Variants in ERBB4 observed in about 807,000 individuals in gnomAD.
ERBB4 encodes receptor tyrosine-protein kinase erbB-4.
Under a neutral mutation model 158.0 loss-of-function variants are expected in ERBB4, and 42 were observed. The ratio of observed to expected loss-of-function variants is 0.27; its 90% CI spans 0.21 to 0.34. The LOEUF (loss-of-function observed/expected upper bound fraction) is 0.34. Ranked by LOEUF, ERBB4 falls within the 10% of genes least tolerant of loss-of-function variation. The probability of loss-of-function intolerance (pLI) is 1.00; values close to 1 mark genes in which losing one functional copy is unlikely to be tolerated. For synonymous variants in ERBB4, 583 were observed against 558.7 expected (o/e 1.04, Z -0.61); for missense variants, 1,333 against 1,624.1 (o/e 0.82, Z 3.08).
intron 2 of ERBB4, among the ~76,000 whole-genome samples, chr2:212,036,979 G>A (rs2125362111): frequency 6.6e-6 from 1 of 152,156 alleles, no homozygotes; most frequent in Non-Finnish European, 1.5e-5. Flanking sequence ...TGGTAGAACA[G>A]TTTGAGGGCT....
chr2:212,170,571 C>T (rs371029135), intron 1 of ERBB4, among the ~76,000 whole-genome samples: 7 of 152,066 alleles, frequency 4.6e-5, no homozygotes, highest in Admixed American at 1.3e-4. Context: ...GGCACGTAGG[C>T]CAAGGAGGAA....
intron 2 of ERBB4, among the ~76,000 whole-genome samples, chr2:211,948,070 G>A (rs964750834): frequency 6.6e-6 from 1 of 152,094 alleles, no homozygotes; most frequent in African/African-American, 2.4e-5. Flanking sequence ...TTGGTGTTTG[G>A]TGCTATATTT....
intron 3 of ERBB4, among the ~76,000 whole-genome samples, chr2:211,924,735 T>C (rs1388460849): frequency 6.6e-6 from 1 of 152,194 alleles, no homozygotes; most frequent in African/African-American, 2.4e-5. Flanking sequence ...CACGGTCACA[T>C]AGGTAAGAGT....
rs769707072 is a variant in ERBB4, at chr2:211,560,262, CTTTTTTTT to C, written c.2487+1633_2487+1640del. ...CAGCACTAACAAATTTGAAGCTTAG[CTTTTTTTT>C]TTTTTTTTTTTTTTTTTTTTTGAGA... On this transcript the variant is annotated intron_variant, in intron 20 of 27. Transcript: ENST00000342788. Among the ~76,000 whole-genome samples the C allele has an allele frequency of 8.1e-3, 376 of 46,274 alleles. 2 individuals are homozygous for C. The highest frequency in any genetic ancestry group is 0.034 in the African/African-American group (356 of 10,418). The allele number at this position is 46,274 out of a possible 152,430, so 30.4% of individuals were successfully genotyped here.
chr2:211,519,464 G>A (rs2066131642), intron 20 of ERBB4, among the ~76,000 whole-genome samples: 2 of 152,048 alleles, frequency 1.3e-5, no homozygotes, highest in African/African-American at 2.4e-5. Flanking sequence ...GAAGCAGATG[G>A]CTACTGAAGC....
At chr2:212,259,289 T>C (rs1054283110) in intron 1 of ERBB4, among the ~76,000 whole-genome samples, 10 of 152,200 alleles carry the variant, frequency 6.6e-5, no homozygotes, top group African/African-American at 1.9e-4. Flanking sequence ...TAAATTATAC[T>C]TTAAAATCTA....
chr2:211,812,297 G>C (rs2076775452), intron 3 of ERBB4, among the ~76,000 whole-genome samples: 1 of 152,198 alleles, frequency 6.6e-6, no homozygotes, highest in African/African-American at 2.4e-5. Context: ...AGGTCTGCTG[G>C]AGTTTGCTGG....
intron 2 of ERBB4, among the ~76,000 whole-genome samples, chr2:212,097,193 A>G (rs1238676463): frequency 6.6e-6 from 1 of 152,136 alleles, no homozygotes; most frequent in African/African-American, 2.4e-5. Context: ...GACAAGCAGG[A>G]GAGTCAACAG....
At chr2:211,837,946 A>G (rs192110436) in intron 3 of ERBB4, among the ~76,000 whole-genome samples, 1 of 152,164 alleles carries the variant, frequency 6.6e-6, no homozygotes, top group African/African-American at 2.4e-5. Context: ...AAACATATCT[A>G]CAAAGCACAT....
chr2:212,488,725 A>G (rs1690112061), intron 1 of ERBB4, among the ~76,000 whole-genome samples: 1 of 151,796 alleles, frequency 6.6e-6, no homozygotes, highest in African/African-American at 2.4e-5. Flanking sequence ...TACCACAGAA[A>G]TACTCTCTGC....
chr2:212,129,050 T>G (rs1341032736), intron 1 of ERBB4, among the ~76,000 whole-genome samples: 4 of 152,014 alleles, frequency 2.6e-5, no homozygotes, highest in Non-Finnish European at 2.9e-5. Context: ...AATATAGATT[T>G]TAATTATCTC....
intron 7 of ERBB4, among the ~76,000 whole-genome samples, chr2:211,714,057 G>C (rs1302768368): frequency 6.6e-6 from 1 of 152,192 alleles, no homozygotes; most frequent in Non-Finnish European, 1.5e-5. Context: ...TTGGATCAGA[G>C]TACATTTCAC....
chr2:211,967,277 C>A (rs1280535066), intron 2 of ERBB4, among the ~76,000 whole-genome samples: 4 of 151,818 alleles, frequency 2.6e-5, no homozygotes, highest in Non-Finnish European at 1.5e-5. Context: ...TGAATAAAAC[C>A]AAAAATCTCT....
intron 20 of ERBB4, among the ~76,000 whole-genome samples, chr2:211,448,375 T>G (rs2064163100): frequency 6.6e-6 from 1 of 152,110 alleles, no homozygotes. Context: ...TATTGGAGAA[T>G]AACTAACTTT....
chr2:212,285,330 C>T (rs2085920327), intron 1 of ERBB4, among the ~76,000 whole-genome samples: 1 of 151,994 alleles, frequency 6.6e-6, no homozygotes, highest in African/African-American at 2.4e-5. Flanking sequence ...TATTTCTCAC[C>T]CCTGCAGGCT....
chr2:211,913,647 G>A (rs201286132), intron 3 of ERBB4, among the ~76,000 whole-genome samples: 1 of 141,344 alleles, frequency 7.1e-6, no homozygotes, highest in Non-Finnish European at 1.6e-5. Flanking sequence ...GTGTGTGTGT[G>A]TGTGTGTGTG....
At chr2:211,852,664 A>G (rs1575248885) in intron 3 of ERBB4, among the ~76,000 whole-genome samples, 1 of 137,548 alleles carries the variant, frequency 7.3e-6, no homozygotes, top group Admixed American at 7.2e-5. Flanking sequence ...CGTTGCCATC[A>G]CTAAGCTGTC....
intron 1 of ERBB4, among the ~76,000 whole-genome samples, chr2:212,461,343 A>G (rs755902025): frequency 1.4e-4 from 21 of 152,162 alleles, no homozygotes; most frequent in Non-Finnish European, 3.1e-4. Flanking sequence ...GACCATGGGA[A>G]CCCACCTCTT....
intron 1 of ERBB4, among the ~76,000 whole-genome samples, chr2:212,522,280 A>T (rs1306172940): frequency 1.3e-5 from 2 of 151,970 alleles, no homozygotes; most frequent in African/African-American, 4.8e-5. Flanking sequence ...GAGATATTGT[A>T]TAAGAAGTGC....
Sources: allele counts gnomAD v4.1 joint callset (sites outside exome capture counted in the v4.1 genomes callset), GRCh38; gene constraint gnomAD v4.1.1; transcripts MANE v1.5; gene names NCBI Gene and HGNC (gene_info 2026-07-23, HGNC 2026-07-21).